ZSWIM6: variants seen among roughly 807,000 people sequenced by gnomAD.
ZSWIM6 encodes zinc finger SWIM-type containing 6.
A neutral mutation model predicts 113.2 loss-of-function variants in ZSWIM6; 9 were observed. That is an observed-to-expected ratio of 0.08 (90% CI 0.05 to 0.14). The LOEUF is 0.14. Among genes scored for constraint, ZSWIM6 ranks in the 10% least tolerant of loss-of-function variants. The pLI is 1.00. For synonymous variants in ZSWIM6, 611 were observed against 606.5 expected, an observed-to-expected ratio of 1.01 and a Z score of -0.11; for missense variants, 1,162 against 1,552.2, an observed-to-expected ratio of 0.75 and a Z score of 4.22.
intron 1 of ZSWIM6, among the ~76,000 whole-genome samples, chr5:61,437,444 CG>C (rs1561237150): frequency 6.6e-6 from 1 of 151,996 alleles, no homozygotes; most frequent in African/African-American, 2.4e-5. Context: ...AAATCCAGGC[CG>C]GGTGCGGTGG....
intron 1 of ZSWIM6, among the ~76,000 whole-genome samples, chr5:61,396,645 T>C (rs1270035015): frequency 6.6e-6 from 1 of 152,222 alleles, no homozygotes; most frequent in Non-Finnish European, 1.5e-5. Context: ...GGCAGATTCT[T>C]TTTTCAATGG....
At chr5:61,538,322 T>G (rs1259205679) in intron 10 of ZSWIM6, among the ~76,000 whole-genome samples, 1 of 152,228 alleles carries the variant, frequency 6.6e-6, no homozygotes, top group East Asian at 1.9e-4. Context: ...CTTACTTCCC[T>G]TCTTGTTTTA....
intron 1 of ZSWIM6, among the ~76,000 whole-genome samples, chr5:61,403,510 A>G (rs947615594): frequency 1.3e-5 from 2 of 152,178 alleles, no homozygotes; most frequent in Non-Finnish European, 2.9e-5. Flanking sequence ...CAGACTAACA[A>G]CTAAGACCAC....
At chr5:61,363,669 T>C (rs1745078641) in intron 1 of ZSWIM6, among the ~76,000 whole-genome samples, 1 of 152,212 alleles carries the variant, frequency 6.6e-6, no homozygotes, top group Admixed American at 6.5e-5. Flanking sequence ...AAAAATACTT[T>C]GCTAATATGA....
At chr5:61,498,329 G>A (rs958237181) in intron 4 of ZSWIM6, among the ~76,000 whole-genome samples, 1 of 152,220 alleles carries the variant, frequency 6.6e-6, no homozygotes, top group South Asian at 2.1e-4. Context: ...CTTAGGGAGC[G>A]GGTGGGCTGC....
intron 4 of ZSWIM6, among the ~76,000 whole-genome samples, chr5:61,507,796 A>G (rs1748663319): frequency 6.6e-6 from 1 of 152,178 alleles, no homozygotes; most frequent in Non-Finnish European, 1.5e-5. Context: ...GATACTTCAT[A>G]ATTTCAGATG....
At chr5:61,339,729 C>G (rs1744494753) in intron 1 of ZSWIM6, among the ~76,000 whole-genome samples, 1 of 152,076 alleles carries the variant, frequency 6.6e-6, no homozygotes, top group Admixed American at 6.6e-5. Flanking sequence ...AGGTAGTAAA[C>G]AGTATGAAAC....
In ZSWIM6 at chr5:61,530,161, T is replaced by C; in HGVS notation, c.1947T>C (p.Ile649=). ...GTAGCCTTATGGAAGCCTGCCGCAT[T>C]GATGATGAGAACCTCTCTGGGTTCT... ...LFSSLMEACR[I]DDENLSGFSD... The change falls in exon 8 of 14, where the codon ATT becomes ATC. Residue 649 remains isoleucine (I), a synonymous_variant. Coordinates refer to ENST00000252744, the MANE Select transcript of ZSWIM6 (RefSeq NM_020928.2). 1 of 1,551,798 alleles carries C rather than the reference T, an allele frequency of 6.4e-7. No individual in the cohort carries two copies. Among genetic ancestry groups the C allele is most frequent in the Non-Finnish European group, 8.7e-7 (1 of 1,146,838 alleles).
chr5:61,339,602 A>G (rs1467058472), intron 1 of ZSWIM6, among the ~76,000 whole-genome samples: 1 of 152,188 alleles, frequency 6.6e-6, no homozygotes, highest in Non-Finnish European at 1.5e-5. Context: ...ATTAAACTCA[A>G]ACTGTTGTTG....
chr5:61,426,323 T>C (rs1746461174), intron 1 of ZSWIM6, among the ~76,000 whole-genome samples: 1 of 152,240 alleles, frequency 6.6e-6, no homozygotes, highest in South Asian at 2.1e-4. Context: ...GTGAGAATAA[T>C]TCAGAGAATA....
chr5:61,382,839 A>T (rs1745513706), intron 1 of ZSWIM6, among the ~76,000 whole-genome samples: 1 of 151,988 alleles, frequency 6.6e-6, no homozygotes, highest in Non-Finnish European at 1.5e-5. Context: ...AAAGAAAGAA[A>T]GAAAGAATTT....
intron 1 of ZSWIM6, among the ~76,000 whole-genome samples, chr5:61,456,710 G>GA (rs1747211883): frequency 1.3e-5 from 2 of 152,180 alleles, no homozygotes; most frequent in African/African-American, 4.8e-5. Flanking sequence ...GAAAGAATTT[G>GA]AAAGAATAAA....
rs1327884760 is a variant in ZSWIM6 at position 61,544,028 on chromosome 5, G to A, written c.3359G>A (p.Gly1120Glu). The change falls in exon 14 of 14, where the codon GGA (glycine) becomes GAA (glutamate). Residue 1120 changes from glycine (G) to glutamate (E), a missense_variant. Coordinates refer to ENST00000252744, the MANE Select transcript of ZSWIM6 (RefSeq NM_020928.2). The stretch of plus-strand genomic sequence containing the variant: ...ACTCTGACCACTCCTGGCATGGTGG[G>A]ACTTCATGGGAGGAGGAACTCTGGT... Reference protein sequence around the residue: ...RCTLTTPGMVGLHGRRNSGKL... With the variant: ...RCTLTTPGMVELHGRRNSGKL... 6.4e-7 allele frequency: 1 copy of A among 1,552,038 alleles called. No individual in the cohort carries two copies. Among genetic ancestry groups the A allele is most frequent in the Admixed American group, 2.0e-5 (1 of 51,010 alleles).
chr5:61,340,061 GT>G (rs1388322756), intron 1 of ZSWIM6, among the ~76,000 whole-genome samples: 4 of 152,138 alleles, frequency 2.6e-5, no homozygotes, highest in African/African-American at 9.7e-5. Context: ...TGTCTTTTCA[GT>G]TTTTGCTTTC....
chr5:61,532,068 G>A (rs1749450054), intron 9 of ZSWIM6, among the ~76,000 whole-genome samples: 2 of 152,148 alleles, frequency 1.3e-5, no homozygotes, highest in South Asian at 4.1e-4. Flanking sequence ...ATTATTGGCA[G>A]GCATGTTCCT....
intron 1 of ZSWIM6, among the ~76,000 whole-genome samples, chr5:61,335,083 G>C (rs1273686982): frequency 6.6e-6 from 1 of 152,240 alleles, no homozygotes; most frequent in Non-Finnish European, 1.5e-5. Flanking sequence ...CACAGCGTGG[G>C]CTTTGCCTGC....
chr5:61,475,976 T>C (rs1020666609), intron 2 of ZSWIM6, among the ~76,000 whole-genome samples: 19 of 152,306 alleles, frequency 1.2e-4, no homozygotes, highest in African/African-American at 4.6e-4. Context: ...ATTTAATTTT[T>C]CTCTTTGGAA....
At chr5:61,461,590 G>A (rs1747325083) in intron 1 of ZSWIM6, among the ~76,000 whole-genome samples, 1 of 152,152 alleles carries the variant, frequency 6.6e-6, no homozygotes, top group African/African-American at 2.4e-5. Flanking sequence ...ATAGTAGGCT[G>A]GACCAGTCAG....
In ZSWIM6 at chr5:61,516,207, G is replaced by T. The variant is rs557698916; in HGVS notation, c.1334-5056G>T. Reference sequence around the variant, plus strand: ...ATTTAGGTCTACCATTTAATCATTTGTTTTTTGTTTATCCCCTCTGTTTCC... The same window carrying T: ...ATTTAGGTCTACCATTTAATCATTTTTTTTTTGTTTATCCCCTCTGTTTCC... On this transcript the variant is annotated intron_variant, in intron 4 of 13. Coordinates refer to ENST00000252744, the MANE Select transcript of ZSWIM6 (RefSeq NM_020928.2). Among the ~76,000 whole-genome samples the T allele has an allele frequency of 2.0e-5, 3 of 150,910 alleles. No homozygotes were observed. In the South Asian group the frequency reaches 6.2e-4, roughly 31 times the overall value.
Sources: gnomAD v4.1 joint callset for allele counts (sites outside exome capture counted in the v4.1 genomes callset) on GRCh38, gnomAD v4.1.1 for gene constraint, MANE v1.5 for transcripts, NCBI Gene and HGNC (gene_info 2026-07-23, HGNC 2026-07-21) for gene names.